Variants in PPARGC1A observed in about 807,000 individuals in gnomAD.
The protein encoded by PPARGC1A is peroxisome proliferator-activated receptor gamma coactivator 1-alpha.
Under a neutral mutation model 88.7 loss-of-function variants are expected in PPARGC1A, and 25 were observed. The ratio of observed to expected loss-of-function variants is 0.28; its 90% CI spans 0.21 to 0.39. PPARGC1A has a LOEUF of 0.39. PPARGC1A is among the 10% of genes least tolerant of loss of function. The pLI is 1.00. For missense variants in PPARGC1A, 880 were observed against 968.7 expected (o/e 0.91, Z 1.22); for synonymous variants, 363 against 355.6 (o/e 1.02, Z -0.24).
At chr4:23,796,351 G>A (rs1717602036) in intron 12 of PPARGC1A, among the ~76,000 whole-genome samples, 1 of 152,096 alleles carries the variant, frequency 6.6e-6, no homozygotes, top group African/African-American at 2.4e-5. Context: ...AAAGAATCAT[G>A]AGAATTTCCC....
the PPARGC1A span, among the ~76,000 whole-genome samples, chr4:24,393,284 T>C: frequency 6.6e-6 from 1 of 152,150 alleles, no homozygotes; most frequent in Non-Finnish European, 1.5e-5. Flanking sequence ...ATGAAATAAT[T>C]GTGAACATGA....
chr4:23,987,437 C>G, the PPARGC1A span, among the ~76,000 whole-genome samples: 2 of 152,092 alleles, frequency 1.3e-5, no homozygotes, highest in Non-Finnish European at 2.9e-5. Context: ...TTCTCTAAGC[C>G]CATCATGCTT....
At chr4:24,301,483 C>T in the PPARGC1A span, among the ~76,000 whole-genome samples, 3 of 151,850 alleles carry the variant, frequency 2.0e-5, no homozygotes, top group African/African-American at 7.3e-5. Flanking sequence ...CATTAAATAG[C>T]CTGCGGTCTA....
At chr4:24,409,832 G>T in the PPARGC1A span, among the ~76,000 whole-genome samples, 5 of 152,184 alleles carry the variant, frequency 3.3e-5, no homozygotes, top group African/African-American at 4.8e-5. Context: ...AATCCAGAGA[G>T]TATATGTTTG....
the PPARGC1A span, among the ~76,000 whole-genome samples, chr4:24,457,751 G>C: frequency 1.1e-4 from 16 of 151,876 alleles, no homozygotes; most frequent in African/African-American, 3.4e-4. Context: ...TTTTAGTAGA[G>C]ATGGGGTTTA....
the PPARGC1A span, among the ~76,000 whole-genome samples, chr4:24,008,550 T>A: frequency 0.59 from 89,150 of 151,954 alleles, 26,670 homozygotes; most frequent in African/African-American, 0.66. Flanking sequence ...TTTATTAAAA[T>A]CCCTAGGTAA....
At chr4:23,824,697 CA>C in intron 5 of PPARGC1A, among the ~76,000 whole-genome samples, 189 bp from the exon 6 acceptor site, 2 of 152,186 alleles carry the variant, frequency 1.3e-5, no homozygotes, top group Middle Eastern at 6.8e-3. Flanking sequence ...GCGTTTGCAT[CA>C]GTAAACTACC....
upstream of PPARGC1A, among the ~76,000 whole-genome samples, chr4:23,891,901 A>G (rs1011268162): frequency 4.6e-5 from 7 of 152,230 alleles, no homozygotes; most frequent in African/African-American, 1.7e-4. Context: ...GATTTAATGT[A>G]AAACTTCAGT....
chr4:24,130,820 T>C, the PPARGC1A span, among the ~76,000 whole-genome samples: 2 of 152,108 alleles, frequency 1.3e-5, no homozygotes, highest in Admixed American at 1.3e-4. Context: ...ACCCACAAGA[T>C]ACCCAGGCTC....
the PPARGC1A span, among the ~76,000 whole-genome samples, chr4:24,229,316 T>A: frequency 6.0e-5 from 9 of 150,654 alleles, no homozygotes; most frequent in African/African-American, 1.5e-4. Flanking sequence ...ACCACGCTAA[T>A]TTTTGTATTT....
chr4:24,194,612 ACGCGCGCGCACG>A, the PPARGC1A span, among the ~76,000 whole-genome samples: 20 of 56,638 alleles, frequency 3.5e-4, no homozygotes, highest in Admixed American at 2.7e-3. Context: ...GCTGGCACAC[ACGCGCGCGCACG>A]CGCGCGCACA....
the PPARGC1A span, among the ~76,000 whole-genome samples, chr4:24,351,080 A>T: frequency 2.0e-5 from 3 of 152,090 alleles, no homozygotes; most frequent in Admixed American, 6.5e-5. Flanking sequence ...AAAACACAAG[A>T]ATTAGCTGGG....
At chr4:24,080,122 T>C in the PPARGC1A span, among the ~76,000 whole-genome samples, 1 of 152,078 alleles carries the variant, frequency 6.6e-6, no homozygotes, top group African/African-American at 2.4e-5. Flanking sequence ...GCATTAAATA[T>C]GTAAATTCAT....
At chr4:24,143,777 T>C in the PPARGC1A span, among the ~76,000 whole-genome samples, 2 of 152,210 alleles carry the variant, frequency 1.3e-5, no homozygotes, top group African/African-American at 4.8e-5. Context: ...AACACAGACA[T>C]GGCCCCTGTT....
At chr4:24,238,399 A>T in the PPARGC1A span, among the ~76,000 whole-genome samples, 1 of 152,206 alleles carries the variant, frequency 6.6e-6, no homozygotes, top group African/African-American at 2.4e-5. Context: ...TTAACTTCTT[A>T]GAGTATCTTA....
the PPARGC1A span, among the ~76,000 whole-genome samples, chr4:24,228,953 G>T: frequency 1.7e-4 from 26 of 152,064 alleles, no homozygotes; most frequent in Non-Finnish European, 3.1e-4. Context: ...AACCCCCGGG[G>T]TTCTGAGTCA....
rs147731647 is a variant in PPARGC1A, at chr4:23,844,199, C to CA, written c.235-12449dup. Among the ~76,000 whole-genome samples the CA allele has an allele frequency of 3.6e-3, 542 of 148,932 alleles. 21 individuals carry two copies. The East Asian group carries it at 0.055, about 15-fold the overall frequency. ...TATATATAAAACATAAACACACATA[C>CA]AAAAAAATTATTTTTATTAGCCTCA... is the stretch of plus-strand genomic sequence containing the variant. On this transcript the variant is annotated intron_variant, in intron 2 of 12. Coordinates refer to ENST00000264867, the MANE Select transcript of PPARGC1A (RefSeq NM_013261.5).
At chr4:24,002,097 C>CAGAGAGAGAGAGAGAGAGAG in the PPARGC1A span, among the ~76,000 whole-genome samples, 1 of 125,320 alleles carries the variant, frequency 8.0e-6, no homozygotes, top group South Asian at 3.1e-4. Flanking sequence ...CACACACACA[C>CAGAGAGAGAGAGAGAGAGAG]AGAGAGAGAG....
chr4:23,857,207 T>C (rs1399611368), intron 2 of PPARGC1A, among the ~76,000 whole-genome samples: 1 of 151,628 alleles, frequency 6.6e-6, no homozygotes, highest in Non-Finnish European at 1.5e-5. Flanking sequence ...ATCACTGATG[T>C]TCTATAGGTG....
Sources: allele counts gnomAD v4.1 joint callset (sites outside exome capture counted in the v4.1 genomes callset), GRCh38; gene constraint gnomAD v4.1.1; transcripts MANE v1.5; gene names NCBI Gene and HGNC (gene_info 2026-07-23, HGNC 2026-07-21).